ZHX2: variants seen among roughly 807,000 people sequenced by gnomAD.
ZHX2 encodes zinc fingers and homeoboxes protein 2.
Under a neutral mutation model 21.9 loss-of-function variants are expected in ZHX2, and 6 were observed. That is an observed-to-expected ratio of 0.27 (90% CI 0.15 to 0.54). The LOEUF is 0.54. ZHX2 is among the 20% of genes least tolerant of loss of function. The pLI is 0.95. For synonymous variants in ZHX2, 434 were observed against 437.1 expected (o/e 0.99, Z 0.09); for missense variants, 908 against 1,090.7 (o/e 0.83, Z 2.36).
chr8:122,855,450 C>A (rs2130754311), intron 1 of ZHX2, among the ~76,000 whole-genome samples: 1 of 152,230 alleles, frequency 6.6e-6, no homozygotes, highest in East Asian at 1.9e-4. Context: ...GTGCCCCTAG[C>A]TACACTCTTT....
chr8:122,865,023 G>T (rs1216437057), intron 2 of ZHX2, among the ~76,000 whole-genome samples: 1 of 152,134 alleles, frequency 6.6e-6, no homozygotes, highest in African/African-American at 2.4e-5. Flanking sequence ...GATGAGAATC[G>T]AGTTTGACAG....
chr8:122,879,331 C>G (rs558025910), intron 2 of ZHX2, among the ~76,000 whole-genome samples: 1 of 152,158 alleles, frequency 6.6e-6, no homozygotes, highest in South Asian at 2.1e-4. Context: ...CTCAGCCTCC[C>G]GAGTAGCTAG....
chr8:122,926,547 G>A (rs7828669), intron 2 of ZHX2, among the ~76,000 whole-genome samples: 47,404 of 152,096 alleles, frequency 0.31, 8,313 homozygotes, highest in African/African-American at 0.48. Flanking sequence ...CCATCGCTGT[G>A]CTGTAGTTGC....
chr8:122,915,468 T>G (rs1381120634), intron 2 of ZHX2, among the ~76,000 whole-genome samples: 3 of 152,238 alleles, frequency 2.0e-5, no homozygotes, highest in Non-Finnish European at 4.4e-5. Flanking sequence ...GAGTACCTCT[T>G]CTAGATCATT....
chr8:122,943,910 C>T (rs1398263925), intron 2 of ZHX2, among the ~76,000 whole-genome samples: 3 of 152,204 alleles, frequency 2.0e-5, no homozygotes, highest in Admixed American at 6.5e-5. Flanking sequence ...CGTGGCATTC[C>T]AGGCTCTTCG....
intron 2 of ZHX2, among the ~76,000 whole-genome samples, chr8:122,890,077 T>A (rs1053374302): frequency 6.6e-6 from 1 of 152,148 alleles, no homozygotes; most frequent in East Asian, 1.9e-4. Context: ...TTTCTAGTAG[T>A]TTTATAGTTT....
chr8:122,796,812 G>A (rs1375732273), intron 1 of ZHX2, among the ~76,000 whole-genome samples: 1 of 152,198 alleles, frequency 6.6e-6, no homozygotes, highest in Non-Finnish European at 1.5e-5. Flanking sequence ...ACAAGACAAA[G>A]AAGAGAGCAG....
At chr8:122,780,997 T>G (rs1053735109), upstream of ZHX2, 6 of 152,328 alleles carry the variant, frequency 3.9e-5, no homozygotes, top group African/African-American at 1.4e-4. Flanking sequence ...GTTATATAAG[T>G]GGGGGGCTCC....
chr8:122,966,967 A>G (rs889005891), intron 3 of ZHX2, among the ~76,000 whole-genome samples: 1 of 152,118 alleles, frequency 6.6e-6, no homozygotes, highest in Non-Finnish European at 1.5e-5. Context: ...TGTATTTTGC[A>G]TTTCTCTAAA....
rs1402765895 is a variant in ZHX2, at chr8:122,951,720, G to A, written c.210G>A (p.Gln70=). 1 of 1,614,126 alleles carries A rather than the reference G, an allele frequency of 6.2e-7. No individual in the cohort carries two copies. The highest frequency in any genetic ancestry group is 1.7e-5 in the Admixed American group (1 of 60,024). Residue 70 remains glutamine (Q), a synonymous_variant, in exon 3 of 4, where the codon CAG becomes CAA. Coordinates refer to ENST00000314393, the MANE Select transcript of ZHX2 (RefSeq NM_014943.5). ...VIEVKSMGES[Q]SKKLQGGYEC... ...AGGTGAAATCTATGGGGGAAAGCCA[G>A]TCCAAAAAACTCCAAGGTGGTTATG...
At chr8:122,902,982 T>C (rs1166607030) in intron 2 of ZHX2, among the ~76,000 whole-genome samples, 1 of 152,110 alleles carries the variant, frequency 6.6e-6, no homozygotes. Flanking sequence ...CTGGTGAGAC[T>C]CATGTGCACA....
intron 2 of ZHX2, among the ~76,000 whole-genome samples, chr8:122,896,365 G>A (rs1265952129): frequency 1.3e-5 from 2 of 151,992 alleles, no homozygotes; most frequent in African/African-American, 4.8e-5. Context: ...TGGAATTCTT[G>A]GGATGATGCA....
intron 2 of ZHX2, among the ~76,000 whole-genome samples, chr8:122,875,793 G>C (rs1399780068): frequency 1.3e-5 from 2 of 152,234 alleles, no homozygotes; most frequent in Non-Finnish European, 2.9e-5. Flanking sequence ...TAGGCAGCCT[G>C]ACTCTGAATT....
At chr8:122,906,666 CT>C (rs771349214) in intron 2 of ZHX2, among the ~76,000 whole-genome samples, 2,675 of 123,406 alleles carry the variant, frequency 0.022, 15 homozygotes, top group African/African-American at 0.065. Context: ...ACATAATTTC[CT>C]TTTTTTTTTT....
intron 2 of ZHX2, among the ~76,000 whole-genome samples, chr8:122,945,579 T>C (rs150902141): frequency 6.6e-6 from 1 of 151,496 alleles, no homozygotes; most frequent in Non-Finnish European, 1.5e-5. Flanking sequence ...TGAGTCGAGA[T>C]CAAAAACATG....
chr8:122,827,194 GATTT>G (rs1019947689), intron 1 of ZHX2, among the ~76,000 whole-genome samples: 3 of 151,940 alleles, frequency 2.0e-5, no homozygotes, highest in South Asian at 2.1e-4. Flanking sequence ...TAATTTTGGG[GATTT>G]ATTTGTTTGT....
chr8:122,798,691 G>A (rs983133965), intron 1 of ZHX2, among the ~76,000 whole-genome samples: 1 of 151,990 alleles, frequency 6.6e-6, no homozygotes, highest in Non-Finnish European at 1.5e-5. Flanking sequence ...GCTGTGGCAG[G>A]AGAATCACTT....
chr8:122,904,164 C>T (rs1337349580), intron 2 of ZHX2, among the ~76,000 whole-genome samples: 2 of 152,142 alleles, frequency 1.3e-5, no homozygotes, highest in Non-Finnish European at 2.9e-5. Flanking sequence ...GCCCAGAACC[C>T]TCCCAACAAA....
chr8:122,902,440 G>A (rs1820255232), intron 2 of ZHX2, among the ~76,000 whole-genome samples: 1 of 152,224 alleles, frequency 6.6e-6, no homozygotes, highest in African/African-American at 2.4e-5. Context: ...TTCCTCAGCT[G>A]TACATTGGGG....
Sources: gnomAD v4.1 joint callset for allele counts (sites outside exome capture counted in the v4.1 genomes callset) on GRCh38, gnomAD v4.1.1 for gene constraint, MANE v1.5 for transcripts, NCBI Gene and HGNC (gene_info 2026-07-23, HGNC 2026-07-21) for gene names.